The following KCNH8 variants were observed in gnomAD, a reference collection of about 807,000 sequenced individuals.
KCNH8 encodes voltage-gated delayed rectifier potassium channel KCNH8.
A neutral mutation model predicts 103.6 loss-of-function variants in KCNH8; 70 were observed. That is an observed-to-expected ratio of 0.68 (90% confidence interval 0.56 to 0.82). The LOEUF (loss-of-function observed/expected upper bound fraction) is 0.82. Ranked by LOEUF, KCNH8 falls within the 40% of genes least tolerant of loss-of-function variation. KCNH8 has a pLI of 0.00. For missense variants in KCNH8, 1,217 were observed against 1,329.9 expected (o/e 0.92, Z 1.32); for synonymous variants, 498 against 489.4 (o/e 1.02, Z -0.23).
chr3:19,335,017 T>C (rs796961380), intron 3 of KCNH8, among the ~76,000 whole-genome samples: 15 of 152,116 alleles, frequency 9.9e-5, no homozygotes, highest in African/African-American at 3.6e-4. Flanking sequence ...CAATTTTCCA[T>C]AATGAGTTTA....
chr3:19,311,574 C>T (rs768889435), intron 3 of KCNH8, among the ~76,000 whole-genome samples: 3 of 151,728 alleles, frequency 2.0e-5, no homozygotes. Context: ...ATTTGTCCTA[C>T]ACCCAGAAAC....
At chr3:19,518,366 T>A (rs2125246044) in intron 15 of KCNH8, among the ~76,000 whole-genome samples, 1 of 152,182 alleles carries the variant, frequency 6.6e-6, no homozygotes, top group Middle Eastern at 3.4e-3. Context: ...TGAAGTGTCT[T>A]AGATATATGC....
intron 2 of KCNH8, among the ~76,000 whole-genome samples, chr3:19,273,147 A>G (rs1277037061): frequency 6.6e-6 from 1 of 152,200 alleles, no homozygotes; most frequent in Non-Finnish European, 1.5e-5. Flanking sequence ...GGAACCAACA[A>G]TTATTCTCAT....
chr3:19,476,473 T>C (rs1260221660), intron 11 of KCNH8, among the ~76,000 whole-genome samples: 4 of 152,192 alleles, frequency 2.6e-5, no homozygotes, highest in South Asian at 2.1e-4. Flanking sequence ...TGAAACCGTC[T>C]ATTGTGTTTC....
intron 14 of KCNH8, 83 bp from the exon 15 acceptor site, chr3:19,517,915 T>C: frequency 8.9e-7 from 1 of 1,119,758 alleles, no homozygotes; most frequent in Admixed American, 1.8e-5. Context: ...AGCGTGGACT[T>C]TCTTTCATAT....
intron 8 of KCNH8, among the ~76,000 whole-genome samples, chr3:19,440,146 G>A (rs990316680): frequency 6.6e-6 from 1 of 151,726 alleles, no homozygotes; most frequent in South Asian, 2.1e-4. Flanking sequence ...TTTAATAAGA[G>A]TCAGCAGATT....
intron 12 of KCNH8, among the ~76,000 whole-genome samples, chr3:19,512,111 G>C (rs111835505): frequency 6.6e-6 from 1 of 152,184 alleles, no homozygotes; most frequent in Non-Finnish European, 1.5e-5. Flanking sequence ...GCACAGAAAA[G>C]TGAGCAGAGA....
At chr3:19,236,752 T>C (rs565867284) in intron 1 of KCNH8, among the ~76,000 whole-genome samples, 3 of 151,990 alleles carry the variant, frequency 2.0e-5, no homozygotes, top group Non-Finnish European at 4.4e-5. Flanking sequence ...AATGAAGATA[T>C]CTAAGACAAG....
At chr3:19,292,877 T>C (rs963454154) in intron 3 of KCNH8, among the ~76,000 whole-genome samples, 1 of 152,198 alleles carries the variant, frequency 6.6e-6, no homozygotes, top group Non-Finnish European at 1.5e-5. Context: ...CCTTGCCTCT[T>C]TCTCCTTCCA....
intron 5 of KCNH8, among the ~76,000 whole-genome samples, chr3:19,366,159 C>G (rs962859032): frequency 6.6e-6 from 1 of 151,996 alleles, no homozygotes; most frequent in Non-Finnish European, 1.5e-5. Flanking sequence ...AGGTTGTATG[C>G]TGCTTTCTGA....
chr3:19,240,784 A>G (rs574171627), intron 1 of KCNH8, among the ~76,000 whole-genome samples: 1 of 152,042 alleles, frequency 6.6e-6, no homozygotes, highest in Non-Finnish European at 1.5e-5. Context: ...CTGCCTTTCT[A>G]GTTATTAAGG....
chr3:19,404,935 T>C (rs1293479117), intron 7 of KCNH8, among the ~76,000 whole-genome samples: 1 of 151,880 alleles, frequency 6.6e-6, no homozygotes, highest in African/African-American at 2.4e-5. Flanking sequence ...ACAAAAATAT[T>C]ACATAGTTTT....
chr3:19,465,510 A>C (rs1311349213), intron 11 of KCNH8, among the ~76,000 whole-genome samples: 1 of 152,142 alleles, frequency 6.6e-6, no homozygotes, highest in African/African-American at 2.4e-5. Flanking sequence ...TGCAGTTCTC[A>C]TGCCTGCTAA....
intron 5 of KCNH8, among the ~76,000 whole-genome samples, chr3:19,367,406 T>A (rs889889440): frequency 5.6e-5 from 8 of 143,820 alleles, no homozygotes; most frequent in African/African-American, 1.6e-4. Context: ...ATATATATAT[T>A]TATATATATA....
intron 5 of KCNH8, among the ~76,000 whole-genome samples, chr3:19,380,766 T>C (rs569113872): frequency 6.6e-6 from 1 of 152,364 alleles, no homozygotes; most frequent in South Asian, 2.1e-4. Context: ...AGCTCATACA[T>C]TACCGAAATC....
At position 19,534,598 on chromosome 3, in the gene KCNH8, T is replaced by C. The variant is rs1575184922; in HGVS notation, c.*499T>C. 1 of 154,082 alleles carries C rather than the reference T, an allele frequency of 6.5e-6. No individual in the cohort carries two copies. The highest frequency in any genetic ancestry group is 1.4e-5 in the Non-Finnish European group (1 of 69,110). 9.5% of individuals were successfully genotyped at this position (154,082 alleles called of 1,614,324 possible). On this transcript the variant is annotated 3_prime_UTR_variant, in exon 16 of 16. Coordinates refer to ENST00000328405, the MANE Select transcript of KCNH8 (RefSeq NM_144633.3). ...GTCATCTCCTAGACAATCAGTCAAATAGAGCTGGTGGCCAGTGGTTAGCTA... is the reference window on the plus strand; with the variant it reads ...GTCATCTCCTAGACAATCAGTCAAACAGAGCTGGTGGCCAGTGGTTAGCTA...
At chr3:19,196,314 G>T (rs1455493113) in intron 1 of KCNH8, among the ~76,000 whole-genome samples, 1 of 151,926 alleles carries the variant, frequency 6.6e-6, no homozygotes, top group Admixed American at 6.6e-5. Context: ...TACTATTTAG[G>T]AGGTGAGGAG....
chr3:19,164,915 A>G (rs2063268054), intron 1 of KCNH8, among the ~76,000 whole-genome samples: 1 of 152,298 alleles, frequency 6.6e-6, no homozygotes, highest in East Asian at 1.9e-4. Flanking sequence ...ATATTATAAT[A>G]TATTCAGAGT....
At chr3:19,190,335 T>A (rs1432126909) in intron 1 of KCNH8, among the ~76,000 whole-genome samples, 3 of 151,996 alleles carry the variant, frequency 2.0e-5, no homozygotes, top group African/African-American at 7.2e-5. Context: ...AGATCCAAGG[T>A]CTTGCCAAGA....
Sources: allele counts gnomAD v4.1 joint callset (sites outside exome capture counted in the v4.1 genomes callset), GRCh38; gene constraint gnomAD v4.1.1; transcripts MANE v1.5; gene names NCBI Gene and HGNC (gene_info 2026-07-23, HGNC 2026-07-21).